The following ARMH4 variants were observed in gnomAD, a reference collection of about 807,000 sequenced individuals.
ARMH4 encodes armadillo-like helical domain-containing protein 4.
A neutral mutation model predicts 61.9 loss-of-function variants in ARMH4; 49 were observed. That is an observed-to-expected ratio of 0.79 (90% confidence interval 0.63 to 1.00). The LOEUF is 1.00. Ranked by LOEUF, ARMH4 falls within the 50% of genes least tolerant of loss-of-function variation. The pLI is 0.00. For missense variants in ARMH4, 934 were observed against 930.0 expected (o/e 1.00, Z -0.06); for synonymous variants, 368 against 341.5 (o/e 1.08, Z -0.85).
At chr14:58,147,203 CTT>C (rs761130219) in intron 1 of ARMH4, among the ~76,000 whole-genome samples, 1 of 152,056 alleles carries the variant, frequency 6.6e-6, no homozygotes, top group Non-Finnish European at 1.5e-5. Flanking sequence ...CTCATAATCT[CTT>C]TTGGAATTGT....
intron 4 of ARMH4, among the ~76,000 whole-genome samples, chr14:58,109,368 C>A (rs1196013896): frequency 6.6e-6 from 1 of 152,116 alleles, no homozygotes; most frequent in Non-Finnish European, 1.5e-5. Context: ...TGTCCCAGAA[C>A]TTTTTGTTTG....
At chr14:58,053,778 C>T (rs146183902) in intron 5 of ARMH4, among the ~76,000 whole-genome samples, 200 of 152,276 alleles carry the variant, frequency 1.3e-3, no homozygotes, top group African/African-American at 2.3e-3. Context: ...TAAGGATCCT[C>T]GCCTCGCCTC....
chr14:58,049,383 C>T (rs1458125721), intron 5 of ARMH4, among the ~76,000 whole-genome samples: 2 of 152,142 alleles, frequency 1.3e-5, no homozygotes, highest in Non-Finnish European at 2.9e-5. Context: ...AAGATACTGT[C>T]TTCCTGTCTG....
chr14:58,060,125 T>G (rs1187252721), intron 5 of ARMH4, among the ~76,000 whole-genome samples: 30 of 152,252 alleles, frequency 2.0e-4, no homozygotes, highest in Non-Finnish European at 4.4e-5. Context: ...GGATTCATTT[T>G]GGATCTTATT....
chr14:58,091,702 A>G (rs762351119), intron 5 of ARMH4, among the ~76,000 whole-genome samples: 1 of 152,228 alleles, frequency 6.6e-6, no homozygotes, highest in Non-Finnish European at 1.5e-5. Context: ...TGTGGGTCAC[A>G]GTGTCTGCTC....
At chr14:58,024,078 T>C (rs1359700175) in intron 5 of ARMH4, among the ~76,000 whole-genome samples, 2 of 152,202 alleles carry the variant, frequency 1.3e-5, no homozygotes. Context: ...GAGCATTGAC[T>C]TCAACTTAAA....
intron 5 of ARMH4, among the ~76,000 whole-genome samples, chr14:58,026,328 T>C (rs1383520258): frequency 1.3e-5 from 2 of 151,918 alleles, no homozygotes; most frequent in African/African-American, 4.8e-5. Context: ...CTATGCTTGA[T>C]CATGAAGCGG....
At chr14:58,054,080 G>A (rs1403908427) in intron 5 of ARMH4, among the ~76,000 whole-genome samples, 1 of 152,142 alleles carries the variant, frequency 6.6e-6, no homozygotes, top group African/African-American at 2.4e-5. Flanking sequence ...TTTTACACAT[G>A]AGAAAACTAA....
intron 6 of ARMH4, among the ~76,000 whole-genome samples, chr14:58,005,562 C>G (rs1213070008): frequency 6.6e-6 from 1 of 152,120 alleles, no homozygotes; most frequent in Admixed American, 6.5e-5. Context: ...TTGGAAATAT[C>G]AGCCAGAGTC....
intron 1 of ARMH4, among the ~76,000 whole-genome samples, chr14:58,140,084 C>T (rs140994125): frequency 4.7e-4 from 71 of 151,678 alleles, no homozygotes; most frequent in African/African-American, 1.6e-3. Flanking sequence ...GCCTGGCCAA[C>T]ATGGTGAAAC....
chr14:58,085,473 T>C (rs967747118), intron 5 of ARMH4, among the ~76,000 whole-genome samples: 20 of 152,074 alleles, frequency 1.3e-4, no homozygotes, highest in Non-Finnish European at 2.5e-4. Context: ...TCTCCTCAGA[T>C]GTAATATGTC....
At chr14:58,073,476 G>A (rs188106610) in intron 5 of ARMH4, among the ~76,000 whole-genome samples, 1 of 152,170 alleles carries the variant, frequency 6.6e-6, no homozygotes, top group East Asian at 1.9e-4. Context: ...TTCTGGTGTG[G>A]GCACATTCAT....
At chr14:58,015,530 T>C (rs1043032332) in intron 5 of ARMH4, among the ~76,000 whole-genome samples, 2 of 152,166 alleles carry the variant, frequency 1.3e-5, no homozygotes, top group African/African-American at 4.8e-5. Context: ...AGGTGCTTAA[T>C]AAGTATTTTT....
In ARMH4 at chr14:58,032,646, T is replaced by G. The variant is rs549678157; in HGVS notation, c.2090-20496A>C. Among the ~76,000 whole-genome samples, 30 of 152,042 alleles carry G rather than the reference T, an allele frequency of 2.0e-4. No individual in the cohort carries two copies. The South Asian group carries it at 5.8e-3, about 30-fold the overall frequency. On this transcript the variant is annotated intron_variant, in intron 5 of 7. Coordinates refer to ENST00000267485, the MANE Select transcript of ARMH4 (RefSeq NM_001001872.4). Reference sequence around the variant, plus strand: ...TGCATTTCCATCTGAGGTACCGGGTTCATCTCACTAGGGAGTGCCAGACAG... The same window carrying G: ...TGCATTTCCATCTGAGGTACCGGGTGCATCTCACTAGGGAGTGCCAGACAG...
At chr14:58,064,782 T>C (rs993145419) in intron 5 of ARMH4, among the ~76,000 whole-genome samples, 2 of 152,142 alleles carry the variant, frequency 1.3e-5, no homozygotes, top group Non-Finnish European at 2.9e-5. Context: ...TTAACACTAT[T>C]TGGGATCAAA....
At chr14:58,081,625 C>T (rs1323672317) in intron 5 of ARMH4, among the ~76,000 whole-genome samples, 2 of 151,940 alleles carry the variant, frequency 1.3e-5, no homozygotes, top group African/African-American at 2.4e-5. Flanking sequence ...CTCAGCCTCC[C>T]AAGTAGCTGG....
At chr14:58,127,091 T>TA (rs1886919873) in intron 4 of ARMH4, among the ~76,000 whole-genome samples, 1 of 152,082 alleles carries the variant, frequency 6.6e-6, no homozygotes, top group South Asian at 2.1e-4. Context: ...GGCCAAGAAT[T>TA]AAAAATCTCT....
chr14:58,110,000 T>C (rs532411595), intron 4 of ARMH4, among the ~76,000 whole-genome samples: 50 of 152,272 alleles, frequency 3.3e-4, no homozygotes, highest in Non-Finnish European at 5.7e-4. Context: ...TCAGATCTCA[T>C]GAGAACTCAC....
chr14:58,133,099 T>C lies in ARMH4; in HGVS notation c.1612A>G (p.Thr538Ala). The C allele has an allele frequency of 6.2e-7, 1 of 1,614,014 alleles. No homozygotes were observed. Among genetic ancestry groups the C allele is most frequent in the South Asian group, 1.1e-5 (1 of 91,066 alleles). Residue 538 changes from threonine (T) to alanine (A), a missense_variant, in exon 3 of 8, where the codon ACT becomes GCT. Transcript: ENST00000267485. ...VVPLSFEVTP[T>A]VEEQMDTVTG... Reference sequence around the variant, plus strand: ...ATCCTCCCTTACAGACCTTCCACAGTGGGAGTAACTTCAAAAGACAAAGGG... The same window carrying C: ...ATCCTCCCTTACAGACCTTCCACAGCGGGAGTAACTTCAAAAGACAAAGGG...
Sources: gnomAD v4.1 joint callset for allele counts (sites outside exome capture counted in the v4.1 genomes callset) on GRCh38, gnomAD v4.1.1 for gene constraint, MANE v1.5 for transcripts, NCBI Gene and HGNC (gene_info 2026-07-23, HGNC 2026-07-21) for gene names.